Variants in DGAT2L6 observed in about 807,000 individuals in gnomAD.
DGAT2L6 encodes the protein diacylglycerol O-acyltransferase 2-like protein 6.
DGAT2L6 carries 22 observed loss-of-function variants against 25.5 expected under a neutral mutation model. The ratio of observed to expected loss-of-function variants is 0.86; its 90% confidence interval spans 0.62 to 1.23. DGAT2L6 has a LOEUF of 1.23. Among genes scored for constraint, DGAT2L6 ranks in the 50% most tolerant of loss-of-function variants. DGAT2L6 has a pLI of 0.00. For missense variants in DGAT2L6, 287 were observed against 253.2 expected (o/e 1.13, Z -0.91); for synonymous variants, 100 against 94.7 (o/e 1.06, Z -0.32).
At chrX:70,200,216 C>A (rs768064029) in intron 3 of DGAT2L6, 39 bp from the exon 4 acceptor site, 3 of 1,182,569 alleles carry the variant, frequency 2.5e-6, no homozygotes, top group Admixed American at 4.4e-5. Flanking sequence ...TTTCTTCCTT[C>A]TTTGTAGCCA....
intron 1 of DGAT2L6, among the ~76,000 whole-genome samples, chrX:70,192,428 A>G (rs955698919): frequency 2.7e-5 from 3 of 112,631 alleles, no homozygotes; most frequent in African/African-American, 9.7e-5. Flanking sequence ...TAAATATATC[A>G]TCAAATCCAA....
intron 1 of DGAT2L6, among the ~76,000 whole-genome samples, chrX:70,195,464 T>TCACA (rs1256082724): frequency 0.43 from 44,815 of 103,274 alleles, 8,644 homozygotes; most frequent in East Asian, 0.64. Context: ...AAAGAAAGTG[T>TCACA]CACACACACA....
intron 1 of DGAT2L6, among the ~76,000 whole-genome samples, chrX:70,198,073 C>T (rs1012891172): frequency 8.0e-5 from 9 of 112,489 alleles, no homozygotes; most frequent in Admixed American, 6.6e-4. Context: ...AGGTAACTCC[C>T]GAGTTTCTTC....
At chrX:70,204,794 C>G (rs925574436) in intron 6 of DGAT2L6, among the ~76,000 whole-genome samples, 158 bp from the exon 7 acceptor site, 1 of 111,545 alleles carries the variant, frequency 9.0e-6, no homozygotes, top group Non-Finnish European at 1.9e-5. Context: ...ATTAGATGAT[C>G]AGAGAACAGG....
At chrX:70,202,314 G>A (rs896310924) in intron 5 of DGAT2L6, among the ~76,000 whole-genome samples, 1 of 112,136 alleles carries the variant, frequency 8.9e-6, no homozygotes. Flanking sequence ...CCATTGGCCT[G>A]GTAGGCTGGA....
intron 1 of DGAT2L6, among the ~76,000 whole-genome samples, chrX:70,194,983 C>A (rs2085386337): frequency 9.0e-6 from 1 of 111,715 alleles, no homozygotes; most frequent in Non-Finnish European, 1.9e-5. Context: ...TATTTGCAAA[C>A]CATATCTCTT....
intron 5 of DGAT2L6, among the ~76,000 whole-genome samples, chrX:70,202,971 G>A (rs774603630): frequency 1.3e-4 from 14 of 111,551 alleles, no homozygotes; most frequent in East Asian, 5.6e-4. Context: ...TAGCTATACC[G>A]GCCTCTTTGC....
At chrX:70,189,056 A>T (rs1386809507) in intron 1 of DGAT2L6, among the ~76,000 whole-genome samples, 1 of 110,820 alleles carries the variant, frequency 9.0e-6, no homozygotes, top group African/African-American at 3.3e-5. Flanking sequence ...TAAGATTAGA[A>T]ACAAAGCAAG....
In DGAT2L6 at chrX:70,205,070, T is replaced by C. The variant is rs748053491; in HGVS notation, c.978T>C (p.Tyr326=). ...TCTTTGACCAACACAAAGTTGAATATGGCCTCCCTGAGACCCAAGAGCTGA... is the reference window on the plus strand; with the variant it reads ...TCTTTGACCAACACAAAGTTGAATACGGCCTCCCTGAGACCCAAGAGCTGA... ...RKLFDQHKVE[Y]GLPETQELTI... The change falls in exon 7 of 7, where the codon TAT becomes TAC. Residue 326 remains tyrosine, a synonymous_variant. Transcript: ENST00000333026. The C allele has an allele frequency of 2.2e-5, 27 of 1,200,925 alleles. No individual in the cohort carries two copies. Among genetic ancestry groups the C allele is most frequent in the Admixed American group, 4.5e-5 (2 of 44,629 alleles).
chrX:70,200,256 T>C lies in DGAT2L6; in HGVS notation c.269T>C (p.Leu90Pro), dbSNP rs752284286. The C allele has an allele frequency of 1.2e-5, 14 of 1,208,327 alleles. No homozygotes were observed. The African/African-American group carries it at 2.5e-4, about 21-fold the overall frequency. The change falls in exon 4 of 7, where the codon CTG becomes CCG. Residue 90 changes from leucine (L) to proline (P), a missense_variant and splice_region_variant. Transcript: ENST00000333026. ...KYFRNYFPVK[L>P]VKTHDLSPKH... Reference sequence around the variant, plus strand: ...TCTGACTCAATTTCCCTCTAACAGCTGGTGAAGACTCATGATCTTTCTCCC... The same window carrying C: ...TCTGACTCAATTTCCCTCTAACAGCCGGTGAAGACTCATGATCTTTCTCCC...
intron 1 of DGAT2L6, among the ~76,000 whole-genome samples, chrX:70,197,746 T>C (rs950923586): frequency 2.7e-5 from 3 of 112,403 alleles, no homozygotes; most frequent in African/African-American, 9.7e-5. Flanking sequence ...CTAACTTTAA[T>C]TAGTGATTAT....
intron 1 of DGAT2L6, among the ~76,000 whole-genome samples, chrX:70,180,486 TAAAG>T (rs992888528): frequency 9.0e-6 from 1 of 111,078 alleles, no homozygotes; most frequent in Non-Finnish European, 1.9e-5. Flanking sequence ...AAAATAAAAA[TAAAG>T]AATAAACGGG....
At chrX:70,182,999 G>C (rs1296636316) in intron 1 of DGAT2L6, among the ~76,000 whole-genome samples, 1 of 109,431 alleles carries the variant, frequency 9.1e-6, no homozygotes, top group Non-Finnish European at 1.9e-5. Context: ...TGCCACGTTG[G>C]CCAGGCTGGT....
In DGAT2L6 at chrX:70,200,392, TC is replaced by T; in HGVS notation, c.408del (p.Phe137LeufsTer2). Reference protein sequence around the residue: ...GIARIFPSITPFVGTLERIFW... With the variant: ...GIARIFPSITXFVGTLERIFW... ...TTGCTCGGATTTTCCCATCCATCAC[TC>T]CCTTTGTAGGGACCTTAGAAAGGAT... On this transcript the variant is annotated frameshift_variant, in exon 4 of 7. Transcript: ENST00000333026. LOFTEE classifies it high-confidence loss of function. The T allele has an allele frequency of 8.3e-7, 1 of 1,211,847 alleles. No homozygotes were observed.
At chrX:70,182,798 T>C (rs1258268592) in intron 1 of DGAT2L6, among the ~76,000 whole-genome samples, 5 of 111,505 alleles carry the variant, frequency 4.5e-5, no homozygotes, top group South Asian at 3.8e-4. Context: ...GGACTACAGG[T>C]GCCCGCCACG....
intron 1 of DGAT2L6, among the ~76,000 whole-genome samples, chrX:70,190,489 G>A (rs1328826642): frequency 9.0e-6 from 1 of 111,607 alleles, no homozygotes; most frequent in African/African-American, 3.3e-5. Context: ...CTGTGGTGAA[G>A]GTTACAGACC....
chrX:70,185,870 GT>G (rs1346920257), intron 1 of DGAT2L6, among the ~76,000 whole-genome samples: 1 of 90,998 alleles, frequency 1.1e-5, no homozygotes, highest in African/African-American at 4.4e-5. Context: ...TTTTTGTTTT[GT>G]TTTTTTGTTT....
intron 1 of DGAT2L6, among the ~76,000 whole-genome samples, chrX:70,192,951 A>G (rs938822668): frequency 8.9e-6 from 1 of 112,020 alleles, no homozygotes; most frequent in Non-Finnish European, 1.9e-5. Context: ...GAAGAAATGC[A>G]TATGTTTCTA....
Position 70,177,667 on chromosome X carries a change from G to C in DGAT2L6, c.85G>C (p.Gly29Arg). 9 of 1,205,025 alleles carry C rather than the reference G, an allele frequency of 7.5e-6. No homozygotes were observed. Among genetic ancestry groups the C allele is most frequent in the Non-Finnish European group, 1.0e-5 (9 of 890,390 alleles). Residue 29 changes from glycine (G) to arginine (R), a missense_variant and splice_region_variant, in exon 1 of 7, where the codon GGA (glycine) becomes CGA (arginine). Gly to Arg is a moderately radical substitution (Grantham distance 125, BLOSUM62 -2). Transcript: ENST00000333026. Reference protein sequence around the residue: ...LQWIPVYIFLGAIPILLIPYF... With the variant: ...LQWIPVYIFLRAIPILLIPYF... ...ATGGATCCCAGTCTATATATTTTTAGGTGAGTGAACCCCAAGGGCTGGAGA... is the reference window on the plus strand; with the variant it reads ...ATGGATCCCAGTCTATATATTTTTACGTGAGTGAACCCCAAGGGCTGGAGA...
Sources: gnomAD v4.1 joint callset for allele counts (sites outside exome capture counted in the v4.1 genomes callset) on GRCh38, gnomAD v4.1.1 for gene constraint, MANE v1.5 for transcripts, NCBI Gene and HGNC (gene_info 2026-07-23, HGNC 2026-07-21) for gene names.